Variants in SBF2 observed in about 807,000 individuals in gnomAD.
The protein encoded by SBF2 is SET binding factor 2, also known as myotubularin-related protein 13.
A neutral mutation model predicts 225.2 loss-of-function variants in SBF2; 112 were observed. The observed-to-expected ratio is 0.50, with a 90% confidence interval of 0.43 to 0.58. The LOEUF is 0.58. SBF2 is among the 20% of genes least tolerant of loss of function. The pLI, the probability that SBF2 is intolerant of heterozygous loss-of-function variation, is 0.00. For synonymous variants in SBF2, 763 were observed against 773.3 expected (o/e 0.99, Z 0.22); for missense variants, 1,996 against 2,206.2 (o/e 0.90, Z 1.91).
chr11:9,870,551 C>T (rs1040890597), intron 17 of SBF2, among the ~76,000 whole-genome samples: 2 of 152,190 alleles, frequency 1.3e-5, no homozygotes, highest in East Asian at 3.8e-4. Context: ...AATAAGACCA[C>T]ACACCTACAA....
At chr11:9,878,143 A>G (rs1358495788) in intron 17 of SBF2, among the ~76,000 whole-genome samples, 1 of 152,162 alleles carries the variant, frequency 6.6e-6, no homozygotes, top group Non-Finnish European at 1.5e-5. Context: ...TTCTCTGATG[A>G]CCAATGATGA....
intron 6 of SBF2, among the ~76,000 whole-genome samples, chr11:10,014,135 G>T (rs1044553267): frequency 6.6e-6 from 1 of 152,140 alleles, no homozygotes; most frequent in Non-Finnish European, 1.5e-5. Context: ...TCTCTTTGGT[G>T]AGAAATGGTA....
intron 16 of SBF2, chr11:9,960,021 A>T (rs902680991): frequency 3.6e-6 from 1 of 281,644 alleles, no homozygotes; most frequent in African/African-American, 2.2e-5. Flanking sequence ...GGTCTTGATA[A>T]GTTGTCTAGG....
intron 17 of SBF2, among the ~76,000 whole-genome samples, chr11:9,878,155 G>A (rs945541328): frequency 3.9e-5 from 6 of 152,294 alleles, no homozygotes; most frequent in Non-Finnish European, 5.9e-5. Context: ...CAATGATGAT[G>A]AGCATTTTTT....
intron 16 of SBF2, among the ~76,000 whole-genome samples, chr11:9,896,823 C>A (rs1480188585): frequency 6.6e-6 from 1 of 150,714 alleles, no homozygotes; most frequent in Non-Finnish European, 1.5e-5. Flanking sequence ...CGGGGAGGAT[C>A]TTTCTATTGA....
chr11:10,190,305 C>A (rs1287289785), intron 2 of SBF2, among the ~76,000 whole-genome samples: 2 of 152,118 alleles, frequency 1.3e-5, no homozygotes, highest in Non-Finnish European at 2.9e-5. Flanking sequence ...AAACAATTTT[C>A]TTTGAAATGC....
chr11:10,000,682 CA>C (rs1947917501), intron 8 of SBF2, among the ~76,000 whole-genome samples: 1 of 151,936 alleles, frequency 6.6e-6, no homozygotes, highest in African/African-American at 2.4e-5. Context: ...AACAATGTAC[CA>C]AAAGAGGGAT....
chr11:9,912,180 T>G (rs980689821), intron 16 of SBF2, among the ~76,000 whole-genome samples: 65 of 150,084 alleles, frequency 4.3e-4, no homozygotes, highest in African/African-American at 1.6e-3. Context: ...CTGGGCATAG[T>G]GGCGGGTGCC....
intron 16 of SBF2, among the ~76,000 whole-genome samples, chr11:9,935,539 G>GTACCTGACTTCAA (rs1430746350): frequency 6.6e-6 from 1 of 152,004 alleles, no homozygotes; most frequent in African/African-American, 2.4e-5. Flanking sequence ...AGGCATCATG[G>GTACCTGACTTCAA]TACCTGACTT....
intron 3 of SBF2, among the ~76,000 whole-genome samples, chr11:10,041,580 A>G (rs1467894729): frequency 6.6e-6 from 1 of 152,182 alleles, no homozygotes; most frequent in African/African-American, 2.4e-5. Context: ...CACATTTCCT[A>G]TAAATTAGTA....
At position 10,165,318 on chromosome 11, in the gene SBF2, T is replaced by G. The variant is rs142938131; in HGVS notation, c.141+28584A>C. On this transcript the variant is annotated intron_variant, in intron 2 of 39. Coordinates refer to ENST00000256190, the MANE Select transcript of SBF2 (RefSeq NM_030962.4). ...GGTATTTGAAGCTTGCCACAGATAT[T>G]AATCCAGTGTGATATGGATTAGATC... is the stretch of plus-strand genomic sequence containing the variant. 1.8e-3 allele frequency among the ~76,000 whole-genome samples: 277 copies of G among 152,316 alleles called. 1 individual carries two copies. Among genetic ancestry groups the G allele is most frequent in the African/African-American group, 6.1e-3 (255 of 41,590 alleles).
At chr11:10,223,647 T>G (rs1958433821) in intron 1 of SBF2, among the ~76,000 whole-genome samples, 1 of 151,884 alleles carries the variant, frequency 6.6e-6, no homozygotes, top group Non-Finnish European at 1.5e-5. Flanking sequence ...AAACTTTTTC[T>G]TGTAATGGCA....
At chr11:10,060,979 G>C (rs1950423058) in intron 2 of SBF2, among the ~76,000 whole-genome samples, 1 of 152,056 alleles carries the variant, frequency 6.6e-6, no homozygotes, top group African/African-American at 2.4e-5. Flanking sequence ...AGTAGGCTGA[G>C]ATCGTGCCAC....
At chr11:9,804,437 C>T (rs1405317006) in intron 32 of SBF2, among the ~76,000 whole-genome samples, 1 of 152,134 alleles carries the variant, frequency 6.6e-6, no homozygotes, top group Non-Finnish European at 1.5e-5. Context: ...ATTTTTTCCT[C>T]CAGATTTATT....
At chr11:9,876,109 C>T (rs953839422) in intron 17 of SBF2, among the ~76,000 whole-genome samples, 2 of 152,180 alleles carry the variant, frequency 1.3e-5, no homozygotes, top group Admixed American at 6.5e-5. Context: ...CTCCCTTTCT[C>T]AACTTCCTGA....
At chr11:9,882,808 A>AC (rs1485352850) in intron 17 of SBF2, among the ~76,000 whole-genome samples, 1 of 83,670 alleles carries the variant, frequency 1.2e-5, no homozygotes, top group Non-Finnish European at 2.2e-5. Context: ...AAAAAAAAAA[A>AC]AAAAAAAAAA....
At chr11:9,840,188 C>T (rs532040785) in intron 25 of SBF2, among the ~76,000 whole-genome samples, 9 of 151,018 alleles carry the variant, frequency 6.0e-5, no homozygotes, top group East Asian at 1.9e-4. Context: ...GAGCTGAGAC[C>T]GTGCCACTGC....
intron 1 of SBF2, among the ~76,000 whole-genome samples, chr11:10,223,399 T>TTTTATATATA (rs1279386744): frequency 2.6e-3 from 151 of 59,170 alleles, no homozygotes; most frequent in Non-Finnish European, 4.4e-3. Context: ...ATTTTGCACA[T>TTTTATATATA]TATATATATA....
chr11:10,260,487 C>A (rs11607621), intron 1 of SBF2, among the ~76,000 whole-genome samples: 1 of 151,500 alleles, frequency 6.6e-6, no homozygotes, highest in Non-Finnish European at 1.5e-5. Flanking sequence ...GAGGCCAAGG[C>A]GGGCAGATCA....
Sources: allele counts gnomAD v4.1 joint callset (sites outside exome capture counted in the v4.1 genomes callset), GRCh38; gene constraint gnomAD v4.1.1; transcripts MANE v1.5; gene names NCBI Gene and HGNC (gene_info 2026-07-23, HGNC 2026-07-21).